Variants in ADGRL2 observed in about 807,000 individuals in gnomAD.
ADGRL2 encodes calcium-independent alpha-latrotoxin receptor 2.
ADGRL2 carries 44 observed loss-of-function variants against 157.4 expected under a neutral mutation model. The ratio of observed to expected loss-of-function variants is 0.28; its 90% CI spans 0.22 to 0.36. The LOEUF is 0.36. Among genes scored for constraint, ADGRL2 ranks in the 10% least tolerant of loss-of-function variants. The probability of loss-of-function intolerance (pLI) is 1.00; values close to 1 mark genes in which losing one functional copy is unlikely to be tolerated. For missense variants in ADGRL2, 1,510 were observed against 1,768.9 expected (o/e 0.85, Z 2.63); for synonymous variants, 585 against 624.7 (o/e 0.94, Z 0.95).
At chr1:81,701,940 G>C (rs1175342085) in intron 1 of ADGRL2, among the ~76,000 whole-genome samples, 2 of 152,176 alleles carry the variant, frequency 1.3e-5, no homozygotes, top group African/African-American at 2.4e-5. Flanking sequence ...CCACATTACA[G>C]AAACTTGAAT....
chr1:81,806,544 T>C (rs769501168), intron 1 of ADGRL2, among the ~76,000 whole-genome samples: 1 of 152,006 alleles, frequency 6.6e-6, no homozygotes, highest in African/African-American at 2.4e-5. Context: ...TGAATTGAGA[T>C]TGAGATGTCA....
intron 3 of ADGRL2, chr1:81,596,264 C>T: frequency 3.5e-6 from 2 of 575,436 alleles, no homozygotes; most frequent in South Asian, 1.4e-5. Flanking sequence ...GGATTCTCAT[C>T]CCGAAATGAT....
chr1:81,458,454 G>C (rs1159614440), intron 2 of ADGRL2, among the ~76,000 whole-genome samples: 1 of 152,176 alleles, frequency 6.6e-6, no homozygotes, highest in Non-Finnish European at 1.5e-5. Context: ...CCAGAGGAAG[G>C]GTTAGTGTTA....
At chr1:81,966,019 C>A in intron 11 of ADGRL2, 39 bp from the exon 12 acceptor site, 2 of 1,605,888 alleles carry the variant, frequency 1.2e-6, no homozygotes, top group Non-Finnish European at 1.7e-6. Flanking sequence ...CTTAAAGAAT[C>A]CTTTTTTCCC....
chr1:81,746,998 A>G (rs1482207623), intron 1 of ADGRL2, among the ~76,000 whole-genome samples: 2 of 142,880 alleles, frequency 1.4e-5, no homozygotes, highest in African/African-American at 5.1e-5. Flanking sequence ...ATACGTATAT[A>G]CGTGTATACA....
intron 1 of ADGRL2, among the ~76,000 whole-genome samples, chr1:81,310,754 C>A (rs1659696268): frequency 6.6e-6 from 1 of 151,856 alleles, no homozygotes; most frequent in Non-Finnish European, 1.5e-5. Flanking sequence ...TTTGAGCTAA[C>A]CCTGCCATCA....
At chr1:81,826,812 A>T (rs1428548296) in intron 1 of ADGRL2, among the ~76,000 whole-genome samples, 3 of 152,144 alleles carry the variant, frequency 2.0e-5, no homozygotes, top group Non-Finnish European at 2.9e-5. Context: ...CTTCACTTCC[A>T]GTCAAACACC....
At chr1:81,505,740 CAAAAAAAAAA>C (rs59062091) in intron 2 of ADGRL2, among the ~76,000 whole-genome samples, 8 of 85,082 alleles carry the variant, frequency 9.4e-5, no homozygotes, top group African/African-American at 2.5e-4. Flanking sequence ...TGTCCTCCTG[CAAAAAAAAAA>C]AAAAAAAAAA....
chr1:81,993,493 C>T lies in ADGRL2; in HGVS notation c.*2348C>T, dbSNP rs559570831. 6.6e-6 allele frequency among the ~76,000 whole-genome samples: 1 copy of T among 152,040 alleles called. No homozygotes were observed. The highest frequency in any genetic ancestry group is 2.4e-5 in the African/African-American group (1 of 41,390). On this transcript the variant is annotated 3_prime_UTR_variant, in exon 24 of 24. Coordinates refer to ENST00000686636, the MANE Select transcript of ADGRL2 (RefSeq NM_001366006.2). The stretch of plus-strand genomic sequence containing the variant: ...TTCTCTTGAGGCAGTTCTCAAAACT[C>T]TAAAGACATGAACACTGCATCGTAC...
upstream of ADGRL2, among the ~76,000 whole-genome samples, chr1:81,799,305 T>A (rs200571748): frequency 1.5e-4 from 23 of 151,872 alleles, no homozygotes; most frequent in Non-Finnish European, 3.4e-4. Flanking sequence ...TAAGTGTGTA[T>A]GTAGTTTAAA....
At position 81,869,120 on chromosome 1, in the gene ADGRL2, C is replaced by T. The variant is rs148499106; in HGVS notation, c.73+32063C>T. 5.4e-3 allele frequency among the ~76,000 whole-genome samples: 815 copies of T among 152,160 alleles called. 15 individuals carry two copies. Among genetic ancestry groups the T allele is most frequent in the Admixed American group, 0.025 (383 of 15,254 alleles). ...GTGATGTCAAGGATTGCTTACTCTT[C>T]GGTTTCTGGTTTGTGCAACCTGGAT... On this transcript the variant is annotated intron_variant, in intron 2 of 23. Coordinates refer to ENST00000686636, the MANE Select transcript of ADGRL2 (RefSeq NM_001366006.2).
intron 2 of ADGRL2, chr1:81,503,062 G>A (rs1570304712): frequency 6.2e-7 from 1 of 1,609,468 alleles, no homozygotes. Flanking sequence ...GCAGCTGCGG[G>A]AGCGGCTGGA....
At chr1:81,738,156 C>A (rs2084962994) in intron 1 of ADGRL2, among the ~76,000 whole-genome samples, 1 of 152,164 alleles carries the variant, frequency 6.6e-6, no homozygotes, top group Non-Finnish European at 1.5e-5. Context: ...TGGTGCCATA[C>A]AATTTGGCAG....
chr1:81,922,417 G>A (rs185015061), intron 3 of ADGRL2, among the ~76,000 whole-genome samples: 225 of 152,092 alleles, frequency 1.5e-3, no homozygotes, highest in African/African-American at 5.1e-3. Flanking sequence ...GAAAATAGTC[G>A]TACAGAATAT....
At chr1:81,541,906 C>G (rs1339448019) in intron 2 of ADGRL2, among the ~76,000 whole-genome samples, 2 of 152,132 alleles carry the variant, frequency 1.3e-5, no homozygotes, top group South Asian at 4.2e-4. Flanking sequence ...TGCGGTGAGC[C>G]GAGATCACTC....
At chr1:81,691,880 G>GTATATATATATA (rs58043778) in intron 3 of ADGRL2, among the ~76,000 whole-genome samples, 5 of 119,878 alleles carry the variant, frequency 4.2e-5, no homozygotes, top group African/African-American at 1.2e-4. Flanking sequence ...GTGTGTGTGT[G>GTATATATATATA]TATATATATA....
intron 2 of ADGRL2, among the ~76,000 whole-genome samples, chr1:81,551,108 G>A (rs765362526): frequency 2.0e-5 from 3 of 152,160 alleles, no homozygotes; most frequent in Non-Finnish European, 4.4e-5. Flanking sequence ...GCAAGTTGAT[G>A]TAAGGATCAG....
intron 1 of ADGRL2, among the ~76,000 whole-genome samples, chr1:81,315,530 A>G (rs765484062): frequency 7.2e-5 from 11 of 152,276 alleles, no homozygotes; most frequent in South Asian, 6.2e-4. Context: ...ATAGACAGAT[A>G]TGGATTAGAA....
rs528242535 is a variant in ADGRL2, at chr1:81,717,020, T to A, written c.-143+17212T>A. Among the ~76,000 whole-genome samples, 4 of 152,322 alleles carry A rather than the reference T, an allele frequency of 2.6e-5. No individual in the cohort carries two copies. The South Asian group carries it at 8.3e-4, about 32-fold the overall frequency. On this transcript the variant is annotated intron_variant, in intron 1 of 20. Coordinates refer to the ADGRL2 transcript ENST00000359929. Reference sequence around the variant, plus strand: ...ATATGGGATACTGCATGTTAAACAATCACTAAAATCCTGCATTAAGGATGA... The same window carrying A: ...ATATGGGATACTGCATGTTAAACAAACACTAAAATCCTGCATTAAGGATGA...
Sources: allele counts gnomAD v4.1 joint callset (sites outside exome capture counted in the v4.1 genomes callset), GRCh38; gene constraint gnomAD v4.1.1; transcripts MANE v1.5; gene names NCBI Gene and HGNC (gene_info 2026-07-23, HGNC 2026-07-21).